Variants in LRRN2 observed in about 807,000 individuals in gnomAD.
The protein encoded by LRRN2 is leucine rich repeat neuronal 2.
LRRN2 carries 10 observed loss-of-function variants against 35.7 expected under a neutral mutation model. That is an observed-to-expected ratio of 0.28 (90% CI 0.17 to 0.47). The LOEUF (loss-of-function observed/expected upper bound fraction) is 0.47. Ranked by LOEUF, LRRN2 falls within the 20% of genes least tolerant of loss-of-function variation. The pLI, the probability that LRRN2 is intolerant of heterozygous loss-of-function variation, is 0.99. For synonymous variants in LRRN2, 391 were observed against 409.6 expected, an observed-to-expected ratio of 0.95 and a Z score of 0.55; for missense variants, 731 against 940.3, an observed-to-expected ratio of 0.78 and a Z score of 2.91.
intron 1 of LRRN2, among the ~76,000 whole-genome samples, chr1:204,644,604 T>TGTGACACCTTCCTTCTCTCCTC (rs1668060067): frequency 6.6e-6 from 1 of 152,192 alleles, no homozygotes; most frequent in Non-Finnish European, 1.5e-5. Flanking sequence ...GTCATCTCCT[T>TGTGACACCTTCCTTCTCTCCTC]TGTGACACCT....
rs999004593 is a variant in LRRN2, at chr1:204,673,026, G to A, written c.-227+12294C>T. Among the ~76,000 whole-genome samples, 11 of 152,038 alleles carry A rather than the reference G, an allele frequency of 7.2e-5. 1 individual carries two copies. Among genetic ancestry groups the A allele is most frequent in the Admixed American group, 3.9e-4 (6 of 15,274 alleles). On this transcript the variant is annotated intron_variant, in intron 1 of 1. Transcript: ENST00000367177. ...GTAAGATCCACATACATGGTTGACC[G>A]AGGGCCACCCCCTCTCTGCTACTAG... is the stretch of plus-strand genomic sequence containing the variant.
At chr1:204,635,157 T>C (rs566432609) in intron 1 of LRRN2, among the ~76,000 whole-genome samples, 1 of 152,206 alleles carries the variant, frequency 6.6e-6, no homozygotes. Flanking sequence ...TAGAGATATA[T>C]GCATAAAAGA....
intron 1 of LRRN2, among the ~76,000 whole-genome samples, chr1:204,683,790 G>C (rs1001423589): frequency 6.6e-6 from 1 of 152,212 alleles, no homozygotes; most frequent in Non-Finnish European, 1.5e-5. Flanking sequence ...GTCAGCACAG[G>C]GGAAGGAAGA....
intron 1 of LRRN2, among the ~76,000 whole-genome samples, chr1:204,648,042 A>T (rs1271499947): frequency 6.6e-6 from 1 of 152,228 alleles, no homozygotes; most frequent in Non-Finnish European, 1.5e-5. Flanking sequence ...ACTGTGGATT[A>T]GAAAGACTTA....
chr1:204,670,090 A>C (rs1668675003), intron 1 of LRRN2, among the ~76,000 whole-genome samples: 1 of 151,998 alleles, frequency 6.6e-6, no homozygotes. Flanking sequence ...GAGTGGATAC[A>C]GCCATACCAA....
intron 1 of LRRN2, chr1:204,620,641 G>A (rs1253435568): frequency 5.9e-6 from 1 of 170,760 alleles, no homozygotes; most frequent in Non-Finnish European, 1.4e-5. Flanking sequence ...CTGTCCTTAA[G>A]GCTTTAGTGT....
intron 1 of LRRN2, among the ~76,000 whole-genome samples, chr1:204,661,208 G>C (rs184292782): frequency 6.6e-6 from 1 of 152,146 alleles, no homozygotes; most frequent in African/African-American, 2.4e-5. Context: ...TGGAGCAAAA[G>C]AATACAAATA....
At chr1:204,646,349 T>G (rs939889547) in intron 1 of LRRN2, among the ~76,000 whole-genome samples, 1 of 152,200 alleles carries the variant, frequency 6.6e-6, no homozygotes, top group African/African-American at 2.4e-5. Flanking sequence ...ATTTTTCGTT[T>G]AGTTTTTAGT....
At position 204,617,934 on chromosome 1, in the gene LRRN2, C is replaced by T. The variant is rs554144498; in HGVS notation, c.2059G>A (p.Val687Ile). 3.5e-4 allele frequency: 569 copies of T among 1,614,006 alleles called. 4 individuals are homozygous for T. The South Asian group carries it at 4.8e-3, about 14-fold the overall frequency. ...TTCCTCCCTGGATTCCAGGGCAGGACGAGGGGAGCAGACACAACCCGGACA... is the reference window on the plus strand; with the variant it reads ...TTCCTCCCTGGATTCCAGGGCAGGATGAGGGGAGCAGACACAACCCGGACA... ...PSVRVVSAPL[V>I]LPWNPGRKLP... The change falls in exon 2 of 2, where the codon GTC becomes ATC. Residue 687 changes from valine to isoleucine, a missense_variant. Physicochemically the swap from Val to Ile is conservative, Grantham distance 29 (BLOSUM62 3). Around this residue, in one of 3 missense-constraint regions of LRRN2, gnomAD observed 229 missense variants for 258.4 expected, o/e 0.89. Coordinates refer to ENST00000367177, the MANE Select transcript of LRRN2 (RefSeq NM_201630.2).
At chr1:204,683,609 C>G (rs1229506677) in intron 1 of LRRN2, among the ~76,000 whole-genome samples, 1 of 152,084 alleles carries the variant, frequency 6.6e-6, no homozygotes, top group East Asian at 1.9e-4. Context: ...GGTGTTTCCC[C>G]GGGAGGAGAC....
At chr1:204,636,218 A>T (rs761550111) in intron 1 of LRRN2, among the ~76,000 whole-genome samples, 2 of 152,218 alleles carry the variant, frequency 1.3e-5, no homozygotes, top group African/African-American at 4.8e-5. Flanking sequence ...GCTGTGATGC[A>T]TACAGAACCT....
At chr1:204,650,036 G>T (rs923889247) in intron 1 of LRRN2, among the ~76,000 whole-genome samples, 1 of 152,222 alleles carries the variant, frequency 6.6e-6, no homozygotes, top group Admixed American at 6.5e-5. Flanking sequence ...CTGAGCCGGA[G>T]GTGCTCTCTT....
intron 1 of LRRN2, among the ~76,000 whole-genome samples, chr1:204,646,728 G>A (rs1466180200): frequency 1.3e-5 from 2 of 152,192 alleles, no homozygotes; most frequent in African/African-American, 4.8e-5. Context: ...ATTGCATTTT[G>A]AAATAATGTT....
Position 204,617,773 on chromosome 1 carries a change from G to A in LRRN2, c.*78C>T, listed in dbSNP as rs1018419346. Reference sequence around the variant, plus strand: ...TGGGTCCATGTCCCTTTCCTGGCAGGGCATCTGGCCCAGACTGCTTCTCTT... The same window carrying A: ...TGGGTCCATGTCCCTTTCCTGGCAGAGCATCTGGCCCAGACTGCTTCTCTT... On this transcript the variant is annotated 3_prime_UTR_variant, in exon 2 of 2. Coordinates refer to ENST00000367177, the MANE Select transcript of LRRN2 (RefSeq NM_201630.2). 1 of 1,506,986 alleles carries A rather than the reference G, an allele frequency of 6.6e-7. No individual in the cohort carries two copies. The highest frequency in any genetic ancestry group is 1.7e-5 in the Admixed American group (1 of 58,590). The allele number at this position is 1,506,986 out of a possible 1,614,324, so 93.4% of individuals were successfully genotyped here.
At chr1:204,657,200 G>A (rs150748072) in intron 1 of LRRN2, among the ~76,000 whole-genome samples, 2,828 of 152,178 alleles carry the variant, frequency 0.019, 51 homozygotes, top group Non-Finnish European at 0.025. Context: ...AGCTACTTGG[G>A]AGGCTGAGGC....
intron 1 of LRRN2, among the ~76,000 whole-genome samples, chr1:204,672,153 C>T (rs1401207071): frequency 3.3e-5 from 5 of 152,186 alleles, no homozygotes; most frequent in Admixed American, 6.5e-5. Flanking sequence ...TTCTCTTGCA[C>T]ATGAAGTAGC....
intron 1 of LRRN2, among the ~76,000 whole-genome samples, chr1:204,675,136 G>C (rs1390349280): frequency 6.6e-6 from 1 of 152,080 alleles, no homozygotes. Context: ...GAATTAGCAG[G>C]TTGCATTTCA....
chr1:204,635,647 A>T (rs1480464763), intron 1 of LRRN2, among the ~76,000 whole-genome samples: 2 of 152,202 alleles, frequency 1.3e-5, no homozygotes, highest in African/African-American at 2.4e-5. Context: ...ATCTTAAATA[A>T]ATGTTCCTAA....
chr1:204,622,930 G>T (rs1667020559), intron 1 of LRRN2, among the ~76,000 whole-genome samples: 1 of 152,176 alleles, frequency 6.6e-6, no homozygotes, highest in African/African-American at 2.4e-5. Flanking sequence ...TGAGTGTGTT[G>T]CACACAGAAA....
Sources: gnomAD v4.1 joint callset for allele counts (sites outside exome capture counted in the v4.1 genomes callset) on GRCh38, gnomAD v4.1.1 for gene constraint, gnomAD v4.1.1 regional missense constraint, MANE v1.5 for transcripts, NCBI Gene and HGNC (gene_info 2026-07-23, HGNC 2026-07-21) for gene names.